The following EXOC4 variants were observed in gnomAD, a reference collection of about 807,000 sequenced individuals.
EXOC4 encodes the protein SEC8-like 1.
Under a neutral mutation model 107.2 loss-of-function variants are expected in EXOC4, and 71 were observed. The ratio of observed to expected loss-of-function variants is 0.66; its 90% CI spans 0.55 to 0.81. The LOEUF is 0.81. Ranked by LOEUF, EXOC4 falls within the 30% of genes least tolerant of loss-of-function variation. EXOC4 has a pLI of 0.00. For missense variants in EXOC4, 1,108 were observed against 1,189.6 expected, an observed-to-expected ratio of 0.93 and a Z score of 1.01; for synonymous variants, 456 against 441.2, an observed-to-expected ratio of 1.03 and a Z score of -0.42.
At chr7:133,573,012 G>C (rs1169423023) in intron 9 of EXOC4, among the ~76,000 whole-genome samples, 1 of 152,090 alleles carries the variant, frequency 6.6e-6, no homozygotes, top group East Asian at 1.9e-4. Context: ...TATGTTTCAG[G>C]ATATAACCAT....
intron 11 of EXOC4, among the ~76,000 whole-genome samples, chr7:133,847,537 A>ATTTTTTTTTTTTTTTT (rs34297470): frequency 7.9e-6 from 1 of 127,190 alleles, no homozygotes; most frequent in Non-Finnish European, 1.6e-5. Context: ...TACACCAGCT[A>ATTTTTTTTTTTTTTTT]TTTTTTTTTT....
At chr7:134,084,488 G>C in the EXOC4 span, among the ~76,000 whole-genome samples, 1 of 152,148 alleles carries the variant, frequency 6.6e-6, no homozygotes, top group South Asian at 2.1e-4. Flanking sequence ...TGAGAAAGCT[G>C]ATCAGAGAGA....
intron 1 of EXOC4, among the ~76,000 whole-genome samples, chr7:133,269,004 A>T (rs1004437503): frequency 6.6e-6 from 1 of 152,226 alleles, no homozygotes; most frequent in Non-Finnish European, 1.5e-5. Flanking sequence ...ACAATAATTT[A>T]TAAGTCATAA....
intron 7 of EXOC4, among the ~76,000 whole-genome samples, chr7:133,473,952 G>T (rs12533736): frequency 7.9e-5 from 12 of 151,728 alleles, no homozygotes; most frequent in Admixed American, 6.6e-5. Context: ...TGCCTGCCTC[G>T]GCCTCCTAAA....
chr7:134,013,396 G>A (rs765445797), intron 17 of EXOC4, among the ~76,000 whole-genome samples: 1 of 152,056 alleles, frequency 6.6e-6, no homozygotes, highest in Non-Finnish European at 1.5e-5. Flanking sequence ...TCAAAAACAA[G>A]GAAAGTCTGA....
intron 10 of EXOC4, among the ~76,000 whole-genome samples, chr7:133,755,632 T>G (rs73152915): frequency 0.093 from 14,068 of 151,668 alleles, 733 homozygotes; most frequent in African/African-American, 0.13. Context: ...ATGAGCCACT[T>G]CGCCTGGCAT....
At chr7:133,640,300 T>C (rs1802823496) in intron 10 of EXOC4, among the ~76,000 whole-genome samples, 1 of 152,206 alleles carries the variant, frequency 6.6e-6, no homozygotes, top group South Asian at 2.1e-4. Context: ...TCATATAGTA[T>C]GTCCTCTTTG....
chr7:134,069,691 G>A (rs1205831498), downstream of EXOC4, among the ~76,000 whole-genome samples: 2 of 152,126 alleles, frequency 1.3e-5, no homozygotes, highest in East Asian at 1.9e-4. Context: ...ATTTCACCAT[G>A]TTGGCCAGGC....
intron 14 of EXOC4, among the ~76,000 whole-genome samples, chr7:133,996,537 G>A (rs568006929): frequency 5.9e-5 from 9 of 152,100 alleles, no homozygotes; most frequent in South Asian, 2.1e-4. Flanking sequence ...TTAATAAATC[G>A]TTTTGGAAAT....
chr7:134,053,237 CAA>C (rs59323264), intron 17 of EXOC4, among the ~76,000 whole-genome samples: 22,873 of 120,854 alleles, frequency 0.19, 1,917 homozygotes, highest in Middle Eastern at 0.3. Context: ...AACTCCATCT[CAA>C]AAAAAAAAAA....
intron 10 of EXOC4, among the ~76,000 whole-genome samples, chr7:133,692,448 C>T (rs1188403360): frequency 6.6e-6 from 1 of 152,122 alleles, no homozygotes; most frequent in African/African-American, 2.4e-5. Context: ...TCTTTAACAC[C>T]ACCTCCTGCC....
chr7:133,473,958 C>T (rs1236124687), intron 7 of EXOC4, among the ~76,000 whole-genome samples: 3 of 152,014 alleles, frequency 2.0e-5, no homozygotes, highest in African/African-American at 7.2e-5. Flanking sequence ...CCTCGGCCTC[C>T]TAAAGTCCCA....
intron 11 of EXOC4, among the ~76,000 whole-genome samples, chr7:133,834,017 C>G (rs995694719): frequency 6.6e-6 from 1 of 152,050 alleles, no homozygotes; most frequent in Non-Finnish European, 1.5e-5. Flanking sequence ...ACCAAGCACA[C>G]CCCCCTTGAA....
At chr7:133,330,367 G>T in intron 5 of EXOC4, among the ~76,000 whole-genome samples, 1 of 151,948 alleles carries the variant, frequency 6.6e-6, no homozygotes, top group South Asian at 2.1e-4. Context: ...TATGCTCCGT[G>T]GGGGTGGGAC....
chr7:133,970,365 G>A (rs912732556), intron 14 of EXOC4, among the ~76,000 whole-genome samples: 19 of 151,894 alleles, frequency 1.3e-4, no homozygotes, highest in African/African-American at 3.9e-4. Flanking sequence ...GTTCTGTCTC[G>A]CTGGCATTCC....
chr7:133,409,500 G>T (rs772916723), intron 7 of EXOC4, among the ~76,000 whole-genome samples: 1 of 152,132 alleles, frequency 6.6e-6, no homozygotes, highest in African/African-American at 2.4e-5. Flanking sequence ...TCCAAAAATG[G>T]CCAGAGGAGT....
Position 133,899,932 on chromosome 7 carries a change from A to G in EXOC4, c.1871+4197A>G, listed in dbSNP as rs113442563. Among the ~76,000 whole-genome samples, 468 of 152,046 alleles carry G rather than the reference A, an allele frequency of 3.1e-3. 5 individuals carry two copies. Among genetic ancestry groups the G allele is most frequent in the African/African-American group, 0.011 (456 of 41,476 alleles). The stretch of plus-strand genomic sequence containing the variant: ...AACTGTCTATTTATTTATTTAGTAG[A>G]GATGGAGTTTCACCATGTTGGCCAG... On this transcript the variant is annotated intron_variant, in intron 12 of 17. Coordinates refer to ENST00000253861, the MANE Select transcript of EXOC4 (RefSeq NM_021807.4).
In EXOC4 at chr7:133,356,435, A is replaced by G; in HGVS notation, c.869A>G (p.Lys290Arg). The G allele has an allele frequency of 6.2e-7, 1 of 1,614,182 alleles. No individual in the cohort carries two copies. Among genetic ancestry groups the G allele is most frequent in the Non-Finnish European group, 8.5e-7 (1 of 1,180,036 alleles). Reference sequence around the variant, plus strand: ...CTCATTAAGGGCTTGGCGAAACTGAAGAAGATCCCAGAAACAGTTAAGGCA... The same window carrying G: ...CTCATTAAGGGCTTGGCGAAACTGAGGAAGATCCCAGAAACAGTTAAGGCA... ...GILIKGLAKL[K>R]KIPETVKAII... Residue 290 changes from lysine (K) to arginine (R), a missense_variant, in exon 6 of 18, where the codon AAG becomes AGG. Physicochemically the swap from Lys to Arg is conservative, Grantham distance 26 (BLOSUM62 2). Transcript: ENST00000253861.
At chr7:134,063,170 C>T (rs539491750) in intron 17 of EXOC4, among the ~76,000 whole-genome samples, 2 of 152,320 alleles carry the variant, frequency 1.3e-5, no homozygotes, top group South Asian at 2.1e-4. Flanking sequence ...TCTGCTATTG[C>T]TCTGCACTCC....
Sources: gnomAD v4.1 joint callset for allele counts (sites outside exome capture counted in the v4.1 genomes callset) on GRCh38, gnomAD v4.1.1 for gene constraint, MANE v1.5 for transcripts, NCBI Gene and HGNC (gene_info 2026-07-23, HGNC 2026-07-21) for gene names.